The following METAP1 variants were observed in gnomAD, a reference collection of about 807,000 sequenced individuals.
METAP1 encodes methionine aminopeptidase 1.
In METAP1, 28 loss-of-function variants were observed where a neutral mutation model predicts 53.8. The ratio of observed to expected loss-of-function variants is 0.52; its 90% CI spans 0.39 to 0.71. The LOEUF (loss-of-function observed/expected upper bound fraction) is 0.71, where lower values mean the gene tolerates loss of function less well. Among genes scored for constraint, METAP1 ranks in the 30% least tolerant of loss-of-function variants. METAP1 has a pLI of 0.00. For missense variants in METAP1, 389 were observed against 479.8 expected (o/e 0.81, Z 1.77); for synonymous variants, 181 against 165.7 (o/e 1.09, Z -0.71).
rs1007818449 is a variant in METAP1 at position 99,031,338 on chromosome 4, AGT to A, written c.166+2425_166+2426del. The A allele has an allele frequency of 5.7e-6, 3 of 524,014 alleles. No individual in the cohort carries two copies. The African/African-American group carries it at 6.2e-5, about 11-fold the overall frequency. 32.5% of individuals were successfully genotyped at this position (524,014 alleles called of 1,614,324 possible). On this transcript the variant is annotated intron_variant, in intron 2 of 10. Coordinates refer to ENST00000296411, the MANE Select transcript of METAP1 (RefSeq NM_015143.3). ...TTTTTAATGTATCGCTGACATATTC[AGT>A]GTGTTTGTTTCTCATTTTCCTGAAG...
intron 1 of METAP1, among the ~76,000 whole-genome samples, chr4:99,004,656 A>G (rs1234280752): frequency 2.0e-5 from 3 of 152,180 alleles, no homozygotes; most frequent in Non-Finnish European, 4.4e-5. Flanking sequence ...TCCCTCATCC[A>G]AGAGGTATTC....
chr4:98,998,752 G>T (rs1722768233), intron 1 of METAP1, among the ~76,000 whole-genome samples: 1 of 151,578 alleles, frequency 6.6e-6, no homozygotes. Flanking sequence ...ACACCACCTT[G>T]TTTATTCCTT....
At chr4:99,009,008 T>A (rs1723332139) in intron 1 of METAP1, among the ~76,000 whole-genome samples, 1 of 152,190 alleles carries the variant, frequency 6.6e-6, no homozygotes, top group Non-Finnish European at 1.5e-5. Flanking sequence ...AGAACTGAAC[T>A]CCATAGCCCT....
At chr4:99,001,649 C>T (rs964353054) in intron 1 of METAP1, among the ~76,000 whole-genome samples, 1 of 152,152 alleles carries the variant, frequency 6.6e-6, no homozygotes, top group African/African-American at 2.4e-5. Flanking sequence ...TTTGTTTATT[C>T]ACTTATAGTT....
At chr4:98,996,514 A>G (rs928165121) in intron 1 of METAP1, among the ~76,000 whole-genome samples, 1 of 152,216 alleles carries the variant, frequency 6.6e-6, no homozygotes, top group Non-Finnish European at 1.5e-5. Context: ...TGTGTAATTC[A>G]TTCTTTTCTT....
chr4:99,056,832 G>A (rs1186433967), intron 9 of METAP1, among the ~76,000 whole-genome samples: 5 of 150,560 alleles, frequency 3.3e-5, no homozygotes, highest in Non-Finnish European at 7.4e-5. Flanking sequence ...GCCTCTCAAA[G>A]TGCTGAGATT....
intron 2 of METAP1, among the ~76,000 whole-genome samples, chr4:99,029,580 G>GC (rs1415338752): frequency 1.1e-4 from 16 of 152,204 alleles, no homozygotes; most frequent in African/African-American, 3.4e-4. Context: ...GTTGACAAGG[G>GC]CTTTCTGTTC....
chr4:99,029,150 T>C (rs963450208), intron 2 of METAP1, among the ~76,000 whole-genome samples: 1 of 152,194 alleles, frequency 6.6e-6, no homozygotes, highest in African/African-American at 2.4e-5. Flanking sequence ...TAGTTGTTAG[T>C]ATAGATGGAT....
chr4:99,008,862 A>G (rs1353278163), intron 1 of METAP1, among the ~76,000 whole-genome samples: 1 of 152,218 alleles, frequency 6.6e-6, no homozygotes, highest in African/African-American at 2.4e-5. Flanking sequence ...GTAATTTACC[A>G]TTTTTTACAT....
chr4:99,013,879 A>G (rs1352213465), intron 1 of METAP1, among the ~76,000 whole-genome samples: 1 of 152,218 alleles, frequency 6.6e-6, no homozygotes, highest in Non-Finnish European at 1.5e-5. Context: ...ATAAATCTGT[A>G]TGGATTTAAG....
At chr4:99,041,414 T>C (rs998780899) in intron 6 of METAP1, among the ~76,000 whole-genome samples, 2 of 152,158 alleles carry the variant, frequency 1.3e-5, no homozygotes, top group African/African-American at 2.4e-5. Flanking sequence ...ATTGATTTTA[T>C]CTGCTTTAAG....
intron 2 of METAP1, 147 bp from the exon 3 acceptor site, chr4:99,034,083 G>A (rs976856878): frequency 3.4e-5 from 20 of 584,710 alleles, no homozygotes; most frequent in South Asian, 3.0e-4. Context: ...TAAGGTAAAA[G>A]TTTGGTGGAT....
intron 9 of METAP1, among the ~76,000 whole-genome samples, chr4:99,050,553 A>G (rs1396793937): frequency 6.6e-6 from 1 of 152,206 alleles, no homozygotes; most frequent in Non-Finnish European, 1.5e-5. Flanking sequence ...AGGGGTCCCC[A>G]GCCCCTGGGC....
At chr4:99,052,270 A>G (rs1319318673) in intron 9 of METAP1, among the ~76,000 whole-genome samples, 2 of 152,184 alleles carry the variant, frequency 1.3e-5, no homozygotes, top group Non-Finnish European at 2.9e-5. Flanking sequence ...GTTGATGGCT[A>G]CTAACTGATC....
intron 1 of METAP1, chr4:99,026,496 T>G: frequency 2.0e-6 from 2 of 985,342 alleles, no homozygotes; most frequent in Non-Finnish European, 2.4e-6. Context: ...GTGTTAGGAT[T>G]AGGTAGGTCA....
intron 10 of METAP1, among the ~76,000 whole-genome samples, chr4:99,060,672 C>T (rs111390962): frequency 0.025 from 3,734 of 152,136 alleles, 56 homozygotes; most frequent in Non-Finnish European, 0.035. Flanking sequence ...CAAGCATATG[C>T]TTTTTTATGA....
chr4:99,028,283 A>G (rs1219201618), intron 1 of METAP1, among the ~76,000 whole-genome samples: 1 of 152,120 alleles, frequency 6.6e-6, no homozygotes, highest in Non-Finnish European at 1.5e-5. Flanking sequence ...TCCTAAATGA[A>G]AAGTCTTTCT....
rs150850501 is a variant in METAP1 at position 98,998,717 on chromosome 4, G to A, written c.114+2850G>A. 2.4e-4 allele frequency among the ~76,000 whole-genome samples: 36 copies of A among 152,214 alleles called. No homozygotes were observed. The East Asian group carries it at 4.8e-3, about 20-fold the overall frequency. ...CCTTTCTATCACACCATTAACAGAA[G>A]TAAGGCATTCCCAGTTACTCTGTCA... On this transcript the variant is annotated intron_variant, in intron 1 of 10. Transcript: ENST00000296411.
chr4:99,051,476 G>T (rs1361201053), intron 9 of METAP1, among the ~76,000 whole-genome samples: 1 of 151,844 alleles, frequency 6.6e-6, no homozygotes, highest in Non-Finnish European at 1.5e-5. Flanking sequence ...CTGGAACCTT[G>T]ACCTCCGAGA....
Sources: allele counts gnomAD v4.1 joint callset (sites outside exome capture counted in the v4.1 genomes callset), GRCh38; gene constraint gnomAD v4.1.1; transcripts MANE v1.5; gene names NCBI Gene and HGNC (gene_info 2026-07-23, HGNC 2026-07-21).